The following C12orf75 variants were observed in gnomAD, a reference collection of about 807,000 sequenced individuals.
C12orf75 encodes chromosome 12 open reading frame 75.
C12orf75 carries 4 observed loss-of-function variants against 11.4 expected under a neutral mutation model. That is an observed-to-expected ratio of 0.35 (90% confidence interval 0.17 to 0.80). C12orf75 has a LOEUF of 0.80. C12orf75 is among the 30% of genes least tolerant of loss of function. The pLI, the probability that C12orf75 is intolerant of heterozygous loss-of-function variation, is 0.52. For synonymous variants in C12orf75, 30 were observed against 30.0 expected, an observed-to-expected ratio of 1.00 and a Z score of 0.00; for missense variants, 89 against 80.4, an observed-to-expected ratio of 1.11 and a Z score of -0.41.
At chr12:105,348,533 A>T in intron 1 of C12orf75, 69 bp from the exon 2 acceptor site, 1 of 1,005,198 alleles carries the variant, frequency 9.9e-7, no homozygotes, top group Non-Finnish European at 1.4e-6. Context: ...TATTTTAATT[A>T]GGTATTAGAC....
chr12:105,360,672 G>T (rs190637322), intron 2 of C12orf75, among the ~76,000 whole-genome samples: 65 of 152,226 alleles, frequency 4.3e-4, no homozygotes, highest in African/African-American at 1.4e-3. Flanking sequence ...TATTTTTTGA[G>T]ACGGGGCCTT....
intron 1 of C12orf75, among the ~76,000 whole-genome samples, chr12:105,335,220 A>G (rs963090895): frequency 3.9e-5 from 6 of 152,012 alleles, no homozygotes; most frequent in African/African-American, 1.5e-4. Flanking sequence ...AGTTAATACA[A>G]TCCTTTTGGG....
intron 1 of C12orf75, among the ~76,000 whole-genome samples, chr12:105,342,710 G>A (rs1024114161): frequency 6.6e-6 from 1 of 152,110 alleles, no homozygotes; most frequent in Non-Finnish European, 1.5e-5. Flanking sequence ...TAGGGGCTTG[G>A]CCAAGAGTCA....
At chr12:105,370,490 G>A (rs1297594184) in intron 5 of C12orf75, 144 bp from the exon 6 acceptor site, 9 of 420,144 alleles carry the variant, frequency 2.1e-5, no homozygotes, top group Non-Finnish European at 3.9e-5. Flanking sequence ...GGCCACCTAA[G>A]TCTTAAATTA....
At chr12:105,350,971 A>G (rs1489335611) in intron 2 of C12orf75, among the ~76,000 whole-genome samples, 3 of 152,208 alleles carry the variant, frequency 2.0e-5, no homozygotes, top group East Asian at 1.9e-4. Context: ...ACCTCATTCT[A>G]TGTCCTATAA....
At chr12:105,362,013 T>TAA (rs1892873166) in intron 2 of C12orf75, among the ~76,000 whole-genome samples, 1 of 152,220 alleles carries the variant, frequency 6.6e-6, no homozygotes, top group South Asian at 2.1e-4. Context: ...CAGTTAGAGG[T>TAA]TGTTTCTCAT....
chr12:105,341,811 G>A (rs1892577875), intron 1 of C12orf75, among the ~76,000 whole-genome samples: 1 of 152,202 alleles, frequency 6.6e-6, no homozygotes. Flanking sequence ...CACATGTCAA[G>A]GGCTGGGCCA....
rs2136152211 is a variant in C12orf75, at chr12:105,365,854, A to G, written c.107+12A>G. On this transcript the variant is annotated intron_variant, in intron 3 of 5. Coordinates refer to ENST00000443585, the MANE Select transcript of C12orf75 (RefSeq NM_001145199.2). The stretch of plus-strand genomic sequence containing the variant: ...GATGACAAGAGGAGGTATGTTTGGT[A>G]TTGCAGCTGGCTTTAGTTTGAATGG... 6.5e-7 allele frequency: 1 copy of G among 1,537,842 alleles called. No homozygotes were observed. The highest frequency in any genetic ancestry group is 8.8e-7 in the Non-Finnish European group (1 of 1,134,422).
chr12:105,350,891 G>A (rs1892705203), intron 2 of C12orf75, among the ~76,000 whole-genome samples: 2 of 152,086 alleles, frequency 1.3e-5, no homozygotes, highest in Non-Finnish European at 2.9e-5. Flanking sequence ...TCCAGGATGC[G>A]AGATGCCATT....
rs991618599 is a variant in C12orf75, at chr12:105,362,124, C to T, written c.72-3683C>T. ...GCTCCTGGCCGGGCGCGGTGGCTCA[C>T]GCCTGTAATCCCAGCACTTTGGGAG... On this transcript the variant is annotated intron_variant, in intron 2 of 5. Transcript: ENST00000443585. Among the ~76,000 whole-genome samples, 16 of 152,056 alleles carry T rather than the reference C, an allele frequency of 1.1e-4. No individual in the cohort carries two copies. The South Asian group carries it at 3.1e-3, about 30-fold the overall frequency.
intron 1 of C12orf75, among the ~76,000 whole-genome samples, chr12:105,337,425 GTC>G (rs1195313687): frequency 2.6e-5 from 4 of 152,264 alleles, no homozygotes; most frequent in East Asian, 1.9e-4. Flanking sequence ...TCTCAAACCT[GTC>G]TCTCTGAGAA....
intron 1 of C12orf75, among the ~76,000 whole-genome samples, chr12:105,334,829 CTT>C (rs1892480780): frequency 6.6e-6 from 1 of 152,164 alleles, no homozygotes; most frequent in Admixed American, 6.5e-5. Flanking sequence ...TGGTCATTCC[CTT>C]TTATATAGTC....
intron 1 of C12orf75, among the ~76,000 whole-genome samples, chr12:105,339,888 G>A (rs935619307): frequency 1.3e-5 from 2 of 151,904 alleles, no homozygotes; most frequent in South Asian, 4.2e-4. Flanking sequence ...CCAAAATGCT[G>A]GGATTACAGG....
At chr12:105,340,743 T>C (rs1771674202) in intron 1 of C12orf75, among the ~76,000 whole-genome samples, 1 of 152,100 alleles carries the variant, frequency 6.6e-6, no homozygotes, top group African/African-American at 2.4e-5. Context: ...GTTAAGGGTT[T>C]TGAGATGCGG....
chr12:105,359,553 T>C (rs1892831474), intron 2 of C12orf75, among the ~76,000 whole-genome samples: 1 of 151,938 alleles, frequency 6.6e-6, no homozygotes. Context: ...GGTGGATCAC[T>C]TGGGGTCAGG....
intron 2 of C12orf75, among the ~76,000 whole-genome samples, chr12:105,364,689 G>A (rs985143779): frequency 6.6e-6 from 1 of 152,074 alleles, no homozygotes; most frequent in African/African-American, 2.4e-5. Flanking sequence ...AGTGTTACAA[G>A]TTGAATTCAG....
chr12:105,365,464 A>G (rs1871445823), intron 2 of C12orf75, among the ~76,000 whole-genome samples: 1 of 152,204 alleles, frequency 6.6e-6, no homozygotes, highest in Non-Finnish European at 1.5e-5. Flanking sequence ...TCTGTCACAC[A>G]GGGAGTGGGT....
chr12:105,365,127 A>G (rs1433483278), intron 2 of C12orf75, among the ~76,000 whole-genome samples: 2 of 152,020 alleles, frequency 1.3e-5, no homozygotes, highest in Admixed American at 6.6e-5. Context: ...ATGAGCCACC[A>G]TGTCCAGCTT....
chr12:105,342,922 A>C (rs1892592155), intron 1 of C12orf75, among the ~76,000 whole-genome samples: 1 of 152,242 alleles, frequency 6.6e-6, no homozygotes, highest in Non-Finnish European at 1.5e-5. Context: ...TGTCATTGAG[A>C]CTGATGAATA....
Sources: gnomAD v4.1 joint callset for allele counts (sites outside exome capture counted in the v4.1 genomes callset) on GRCh38, gnomAD v4.1.1 for gene constraint, MANE v1.5 for transcripts, NCBI Gene and HGNC (gene_info 2026-07-23, HGNC 2026-07-21) for gene names.